Variants in PSG3 observed in about 807,000 individuals in gnomAD.
PSG3 encodes pregnancy-specific beta-1-glycoprotein 3.
PSG3 carries 61 observed loss-of-function variants against 47.5 expected under a neutral mutation model. The ratio of observed to expected loss-of-function variants is 1.28; its 90% confidence interval spans 1.05 to 1.59. The LOEUF (loss-of-function observed/expected upper bound fraction) is 1.59. Among genes scored for constraint, PSG3 ranks in the 40% most tolerant of loss-of-function variants. The pLI is 0.00. For missense variants in PSG3, 756 were observed against 524.0 expected (o/e 1.44, Z -4.32); for synonymous variants, 263 against 198.4 (o/e 1.33, Z -2.74).
chr19:42,729,157 C>T lies in PSG3; in HGVS notation c.1209G>A (p.Met403Ile). 6.2e-7 allele frequency: 1 copy of T among 1,613,994 alleles called. No individual in the cohort carries two copies. Among genetic ancestry groups the T allele is most frequent in the South Asian group, 1.1e-5 (1 of 91,072 alleles). Residue 403 changes from methionine (M) to isoleucine (I), a missense_variant, in exon 5 of 7, where the codon ATG becomes ATA. Transcript: ENST00000327495. ...ACSVRNSATG[M>I]ESSKSMTVKV... Reference sequence around the variant, plus strand: ...TGACTGTCATGGATTTGGAGCTTTCCATGCCAGTGGCTGAGTTACGAACAG... The same window carrying T: ...TGACTGTCATGGATTTGGAGCTTTCTATGCCAGTGGCTGAGTTACGAACAG...
chr19:42,730,313 G>A lies in PSG3; in HGVS notation c.710-257C>T, dbSNP rs933442720. 8.5e-5 allele frequency among the ~76,000 whole-genome samples: 13 copies of A among 152,242 alleles called. No homozygotes were observed. In the South Asian group the frequency reaches 1.0e-3, roughly 12 times the overall value. On this transcript the variant is annotated intron_variant, in intron 3 of 6. Transcript: ENST00000327495. ...GCAGTGTTGGGTCATGGACAGACACGTCAATGGGAGTCACAGCCCCTGGTA... is the reference window on the plus strand; with the variant it reads ...GCAGTGTTGGGTCATGGACAGACACATCAATGGGAGTCACAGCCCCTGGTA...
intron 5 of PSG3, among the ~76,000 whole-genome samples, chr19:42,725,090 A>T (rs573229014): frequency 2.0e-5 from 3 of 152,280 alleles, no homozygotes; most frequent in East Asian, 1.9e-4. Context: ...CTGAGATTTG[A>T]TTCTAGGACT....
intron 6 of PSG3, among the ~76,000 whole-genome samples, 179 bp downstream of exon 6, chr19:42,723,763 G>T (rs868190052): frequency 6.6e-6 from 1 of 152,078 alleles, no homozygotes; most frequent in Non-Finnish European, 1.5e-5. Flanking sequence ...AAAGACAGTG[G>T]GGTACAGGGA....
chr19:42,732,825 A>G lies in PSG3; in HGVS notation c.668T>C (p.Val223Ala). The G allele has an allele frequency of 6.2e-7, 1 of 1,614,164 alleles. No homozygotes were observed. Among genetic ancestry groups the G allele is most frequent in the Non-Finnish European group, 8.5e-7 (1 of 1,180,018 alleles). Residue 223 changes from valine to alanine, a missense_variant, in exon 3 of 7, where the codon GTG becomes GCG. Physicochemically the swap from Val to Ala is moderately conservative, Grantham distance 64. Transcript: ENST00000327495. ...GPYECEIRNPVSASRSDPVTL... is the reference protein window; with the variant it reads ...GPYECEIRNPASASRSDPVTL... ...GACTGGGTCACTGCGGCTGGCACTC[A>G]CTGGGTTCCGTATTTCACATTCATA...
chr19:42,733,277 T>A, intron 2 of PSG3: 1 of 1,067,122 alleles, frequency 9.4e-7, no homozygotes, highest in Non-Finnish European at 1.3e-6. Flanking sequence ...CAGACTTTCT[T>A]AACTGTGAAT....
At chr19:42,728,776 A>G (rs1969415587) in intron 5 of PSG3, among the ~76,000 whole-genome samples, 1 of 152,224 alleles carries the variant, frequency 6.6e-6, no homozygotes. Context: ...CAAGAAAACA[A>G]AGACGTGGCA....
At chr19:42,736,485 T>TTGAAAATCTCTAAGCCC (rs1389384255) in intron 2 of PSG3, among the ~76,000 whole-genome samples, 1 of 152,166 alleles carries the variant, frequency 6.6e-6, no homozygotes, top group East Asian at 1.9e-4. Context: ...GAAACTATCC[T>TTGAAAATCTCTAAGCCC]TGAAAATCTC....
chr19:42,721,718 G>A lies in PSG3; in HGVS notation c.*413C>T, dbSNP rs1385560827. On this transcript the variant is annotated 3_prime_UTR_variant, in exon 7 of 7. Transcript: ENST00000327495. ...AGTTTCCCAATTCTGGGGCACTTAG[G>A]GAGCAAAAGCAAATGTTTCAATTTT... 8 of 370,458 alleles carry A rather than the reference G, an allele frequency of 2.2e-5. No individual in the cohort carries two copies. Among genetic ancestry groups the A allele is most frequent in the African/African-American group, 1.0e-4 (5 of 48,006 alleles). The allele number at this position is 370,458 out of a possible 1,614,324, so 22.9% of individuals were successfully genotyped here. A position where few individuals can be genotyped will look rare whatever the true frequency, so the allele number is the denominator to read the frequency against.
At chr19:42,737,062 A>G (rs1237466589) in intron 2 of PSG3, among the ~76,000 whole-genome samples, 2 of 152,104 alleles carry the variant, frequency 1.3e-5, no homozygotes, top group Non-Finnish European at 2.9e-5. Context: ...CAGAGACACC[A>G]TGGCAGTGAG....
intron 6 of PSG3, among the ~76,000 whole-genome samples, chr19:42,723,094 T>C (rs1370427898): frequency 1.3e-5 from 2 of 152,258 alleles, no homozygotes; most frequent in Non-Finnish European, 2.9e-5. Flanking sequence ...TTAGGCTTTA[T>C]GTCTCCTGGC....
At chr19:42,740,145 G>A (rs932334037) in intron 1 of PSG3, among the ~76,000 whole-genome samples, 176 bp downstream of exon 1, 1 of 151,890 alleles carries the variant, frequency 6.6e-6, no homozygotes, top group Non-Finnish European at 1.5e-5. Flanking sequence ...GTAGAGACAG[G>A]GCTTCACTGT....
chr19:42,740,409 C>T lies in PSG3; in HGVS notation c.-25G>A, dbSNP rs1270507465. On this transcript the variant is annotated 5_prime_UTR_variant, in exon 1 of 7. Transcript: ENST00000327495. The stretch of plus-strand genomic sequence containing the variant: ...TGGTCTCTGCTGCCTGCGTGTTCTC[C>T]TCTGTGGAGCTGAGCCTAGGATCCA... The T allele has an allele frequency of 6.2e-7, 1 of 1,613,980 alleles. No individual in the cohort carries two copies. The highest frequency in any genetic ancestry group is 1.7e-5 in the Admixed American group (1 of 60,016).
intron 2 of PSG3, among the ~76,000 whole-genome samples, chr19:42,735,237 T>C (rs191608723): frequency 0.017 from 2,537 of 152,316 alleles, 39 homozygotes; most frequent in South Asian, 0.028. Flanking sequence ...CCACTTTTTT[T>C]CCCCACTCTT....
At chr19:42,729,084 C>T (rs1969423247) in intron 5 of PSG3, 39 bp downstream of exon 5, 2 of 1,613,700 alleles carry the variant, frequency 1.2e-6, no homozygotes, top group Non-Finnish European at 1.7e-6. Flanking sequence ...AGAGACTCCA[C>T]CTAAAACTCT....
intron 2 of PSG3, among the ~76,000 whole-genome samples, chr19:42,735,144 C>A (rs572318923): frequency 6.6e-6 from 1 of 152,292 alleles, no homozygotes; most frequent in Admixed American, 6.5e-5. Context: ...TATCTTATAG[C>A]CTTTGTAGTT....
intron 2 of PSG3, chr19:42,733,779 C>G: frequency 6.5e-6 from 1 of 152,690 alleles, no homozygotes; most frequent in South Asian, 2.1e-4. Flanking sequence ...ACCAAGACCA[C>G]GTTCCCTGTT....
Position 42,740,136 on chromosome 19 carries a change from T to C in PSG3, c.64+185A>G, listed in dbSNP as rs181037926. Among the ~76,000 whole-genome samples the C allele has an allele frequency of 7.2e-4, 110 of 152,206 alleles. 2 individuals are homozygous for C. The East Asian group carries it at 0.02, about 28-fold the overall frequency. On this transcript the variant is annotated intron_variant, in intron 1 of 6. Transcript: ENST00000327495. ...TCTGGTTAAATTTTTGTATTTTTAGTAGAGACAGGGCTTCACTGTGTTGGC... is the reference window on the plus strand; with the variant it reads ...TCTGGTTAAATTTTTGTATTTTTAGCAGAGACAGGGCTTCACTGTGTTGGC...
In PSG3 at chr19:42,721,791, A is replaced by G. The variant is rs991170425; in HGVS notation, c.*340T>C. 7.3e-6 allele frequency: 3 copies of G among 408,182 alleles called. No individual in the cohort carries two copies. Among genetic ancestry groups the G allele is most frequent in the Non-Finnish European group, 1.3e-5 (3 of 225,164 alleles). 25.3% of individuals were successfully genotyped at this position (408,182 alleles called of 1,614,324 possible). ...CAATTGCTGAAGAAAAAAAGTGCAT[A>G]AATCTGGAGAATAAAACATTCAAAG... On this transcript the variant is annotated 3_prime_UTR_variant, in exon 7 of 7. Transcript: ENST00000327495.
chr19:42,739,771 T>C (rs572820869), intron 1 of PSG3, among the ~76,000 whole-genome samples: 124 of 152,302 alleles, frequency 8.1e-4, no homozygotes, highest in African/African-American at 2.9e-3. Flanking sequence ...GTTATTATTA[T>C]CATTTTTCAA....
Sources: allele counts gnomAD v4.1 joint callset (sites outside exome capture counted in the v4.1 genomes callset), GRCh38; gene constraint gnomAD v4.1.1; transcripts MANE v1.5; gene names NCBI Gene and HGNC (gene_info 2026-07-23, HGNC 2026-07-21).